The following SOX4 variants were observed in gnomAD, a reference collection of about 807,000 sequenced individuals.
The protein encoded by SOX4 is SRY-box transcription factor 4.
For synonymous variants in SOX4, 465 were observed against 348.4 expected (o/e 1.33, Z -3.73); for missense variants, 662 against 694.9 (o/e 0.95, Z 0.53).
chr6:21,594,975 C>G lies in SOX4; in HGVS notation c.441C>G (p.Ala147=). The change falls in exon 1 of 1, where the codon GCC becomes GCG. Residue 147 remains alanine (A), a synonymous_variant. Transcript: ENST00000244745. ...GNANSSSSAA[A]SSKPGEKGDK... ...CCAACTCCAGCTCCTCGGCCGCCGC[C>G]TCCTCCAAGCCGGGGGAGAAGGGAG... 3 of 1,598,026 alleles carry G rather than the reference C, an allele frequency of 1.9e-6. No homozygotes were observed. The highest frequency in any genetic ancestry group is 2.6e-6 in the Non-Finnish European group (3 of 1,172,194).
rs1763112466 is a variant in SOX4 at position 21,595,241 on chromosome 6, C to T, written c.707C>T (p.Ser236Phe). The change falls in exon 1 of 1, where the codon TCC (serine) becomes TTC (phenylalanine). Residue 236 changes from serine (S) to phenylalanine (F), a missense_variant. Ser to Phe is a radical substitution (Grantham distance 155). Coordinates refer to ENST00000244745, the MANE Select transcript of SOX4 (RefSeq NM_003107.3). ...AAAGCAGCGGCTGCCGCCGCCGCCT[C>T]CTTCGCCGCCGAACAGGCGGGGGCC... ...GGKAAAAAAA[S>F]FAAEQAGAAA... 11 of 1,248,530 alleles carry T rather than the reference C, an allele frequency of 8.8e-6. No homozygotes were observed. Among genetic ancestry groups the T allele is most frequent in the Non-Finnish European group, 1.0e-5 (10 of 1,001,508 alleles). 77.3% of individuals were successfully genotyped at this position (1,248,530 alleles called of 1,614,324 possible). A position where few individuals can be genotyped will look rare whatever the true frequency, so the allele number is the denominator to read the frequency against.
chr6:21,595,722 C>T lies in SOX4; in HGVS notation c.1188C>T (p.Ser396=), dbSNP rs775591442. Residue 396 remains serine (S), a synonymous_variant, in exon 1 of 1, where the codon TCC becomes TCT. Transcript: ENST00000244745. ...SSSSSSSGSS[S]SDDEFEDDLL... is the part of the protein sequence containing the mutation. The stretch of plus-strand genomic sequence containing the variant: ...CTTCCTCCTCCTCGGGCTCCTCGTC[C>T]TCCGACGACGAGTTCGAAGACGACC... 4 of 1,610,390 alleles carry T rather than the reference C, an allele frequency of 2.5e-6. No individual in the cohort carries two copies. The highest frequency in any genetic ancestry group is 1.7e-5 in the Admixed American group (1 of 59,714).
Position 21,594,884 on chromosome 6 carries a change from T to A in SOX4, c.350T>A (p.Leu117His). 1 of 1,612,948 alleles carries A rather than the reference T, an allele frequency of 6.2e-7. No homozygotes were observed. Among genetic ancestry groups the A allele is most frequent in the Non-Finnish European group, 8.5e-7 (1 of 1,179,722 alleles). ...PFIREAERLRLKHMADYPDYK... is the reference protein window; with the variant it reads ...PFIREAERLRHKHMADYPDYK... ...ATTCGAGAGGCGGAGCGGCTGCGCCTCAAGCACATGGCTGACTACCCCGAC... is the reference window on the plus strand; with the variant it reads ...ATTCGAGAGGCGGAGCGGCTGCGCCACAAGCACATGGCTGACTACCCCGAC... The change falls in exon 1 of 1, where the codon CTC becomes CAC. Residue 117 changes from leucine to histidine, a missense_variant. Physicochemically the swap from Leu to His is moderately conservative, Grantham distance 99. Coordinates refer to ENST00000244745, the MANE Select transcript of SOX4 (RefSeq NM_003107.3).
At position 21,594,556 on chromosome 6, in the gene SOX4, G is replaced by A. The variant is rs751155053; in HGVS notation, c.22G>A (p.Ala8Thr). MVQQTNN[A>T]ENTEALLAGE... ...GGCCATGGTGCAGCAAACCAACAATGCCGAGAACACGGAAGCGCTGCTGGC... is the reference window on the plus strand; with the variant it reads ...GGCCATGGTGCAGCAAACCAACAATACCGAGAACACGGAAGCGCTGCTGGC... Residue 8 changes from alanine to threonine, a missense_variant, in exon 1 of 1, where the codon GCC (alanine) becomes ACC (threonine). By Grantham distance (58) the Ala-to-Thr change is moderately conservative (BLOSUM62 0). Coordinates refer to ENST00000244745, the MANE Select transcript of SOX4 (RefSeq NM_003107.3). The A allele has an allele frequency of 1.2e-6, 2 of 1,604,996 alleles. No individual in the cohort carries two copies. The highest frequency in any genetic ancestry group is 1.7e-6 in the Non-Finnish European group (2 of 1,177,772).
rs1763191813 is a variant in SOX4 at position 21,597,449 on chromosome 6, C to T, written c.*1490C>T. ...GCCAAACATATTTTTTCTTTTGTCCCTTTTTTTCTTTCCTTTCTTTTTACT... is the reference window on the plus strand; with the variant it reads ...GCCAAACATATTTTTTCTTTTGTCCTTTTTTTTCTTTCCTTTCTTTTTACT... On this transcript the variant is annotated 3_prime_UTR_variant, in exon 1 of 1. Transcript: ENST00000244745. 2 of 163,278 alleles carry T rather than the reference C, an allele frequency of 1.2e-5. No homozygotes were observed. The highest frequency in any genetic ancestry group is 3.0e-5 in the Non-Finnish European group (2 of 67,476). 10.1% of individuals were successfully genotyped at this position (163,278 alleles called of 1,614,324 possible).
At position 21,594,634 on chromosome 6, in the gene SOX4, C is replaced by G; in HGVS notation, c.100C>G (p.Pro34Ala). 6.2e-7 allele frequency: 1 copy of G among 1,605,236 alleles called. No individual in the cohort carries two copies. Among genetic ancestry groups the G allele is most frequent in the East Asian group, 2.3e-5 (1 of 44,410 alleles). Residue 34 changes from proline (P) to alanine (A), a missense_variant, in exon 1 of 1, where the codon CCC becomes GCC. Transcript: ENST00000244745. ...AGLELGIASS[P>A]TPGSTASTGG... Reference sequence around the variant, plus strand: ...CCTCGAGCTGGGAATCGCCTCCTCCCCCACGCCCGGCTCCACCGCCTCCAC... The same window carrying G: ...CCTCGAGCTGGGAATCGCCTCCTCCGCCACGCCCGGCTCCACCGCCTCCAC...
Position 21,595,866 on chromosome 6 carries a change from C to T in SOX4, c.1332C>T (p.Phe444=). 1.2e-6 allele frequency: 2 copies of T among 1,610,536 alleles called. No homozygotes were observed. Among genetic ancestry groups the T allele is most frequent in the Middle Eastern group, 1.7e-4 (1 of 6,060 alleles). Residue 444 remains phenylalanine (F), a synonymous_variant, in exon 1 of 1, where the codon TTC becomes TTT. Transcript: ENST00000244745. ...TCGAGCCCGGCTCCGGCTCGCACTT[C>T]GAGTTCCCGGACTACTGCACGCCCG... is the stretch of plus-strand genomic sequence containing the variant. ...FNFEPGSGSH[F]EFPDYCTPEV...
In SOX4 at chr6:21,595,197, AGGCGGC is replaced by A. The variant is rs552547778; in HGVS notation, c.675_680del (p.Gly226_Gly227del). 22 of 1,195,994 alleles carry A rather than the reference AGGCGGC, an allele frequency of 1.8e-5. No homozygotes were observed. Among genetic ancestry groups the A allele is most frequent in the Admixed American group, 4.6e-5 (1 of 21,742 alleles). 74.1% of individuals were successfully genotyped at this position (1,195,994 alleles called of 1,614,324 possible). A position where few individuals can be genotyped will look rare whatever the true frequency, so the allele number is the denominator to read the frequency against. On this transcript the variant is annotated inframe_deletion, in exon 1 of 1. Coordinates refer to ENST00000244745, the MANE Select transcript of SOX4 (RefSeq NM_003107.3). The stretch of plus-strand genomic sequence containing the variant: ...AACCGCACGCCAAGCTCATCCTGGC[AGGCGGC>A]GGCGGCGGCGGGAAAGCAGCGGCTG...
At position 21,593,757 on chromosome 6, in the gene SOX4, A is replaced by C. The variant is rs1393025888; in HGVS notation, c.-778A>C. ...CGAGGCGGAATTGGGGTCTGCTCTA[A>C]GCTGCAGCAAGAGAAACTGTGTGTG... is the stretch of plus-strand genomic sequence containing the variant. On this transcript the variant is annotated 5_prime_UTR_variant, in exon 1 of 1. Coordinates refer to ENST00000244745, the MANE Select transcript of SOX4 (RefSeq NM_003107.3). The C allele has an allele frequency of 6.6e-6, 1 of 152,284 alleles. No homozygotes were observed. The highest frequency in any genetic ancestry group is 1.5e-5 in the Non-Finnish European group (1 of 68,114). The allele number at this position is 152,284 out of a possible 1,614,324, so 9.4% of individuals were successfully genotyped here.
rs1455110169 is a variant in SOX4 at position 21,594,831 on chromosome 6, G to C, written c.297G>C (p.Leu99=). Residue 99 remains leucine, a synonymous_variant, in exon 1 of 1, where the codon CTG becomes CTC. Coordinates refer to ENST00000244745, the MANE Select transcript of SOX4 (RefSeq NM_003107.3). The part of the protein sequence containing the change: ...ISKRLGKRWK[L]LKDSDKIPFI... ...AGCGGCTGGGCAAACGCTGGAAGCT[G>C]CTCAAAGACAGCGACAAGATCCCTT... 1 of 1,610,548 alleles carries C rather than the reference G, an allele frequency of 6.2e-7. No homozygotes were observed. The highest frequency in any genetic ancestry group is 1.3e-5 in the African/African-American group (1 of 74,910).
Position 21,598,525 on chromosome 6 carries a change from T to C in SOX4, c.*2566T>C, listed in dbSNP as rs1271699979. On this transcript the variant is annotated 3_prime_UTR_variant, in exon 1 of 1. Coordinates refer to ENST00000244745, the MANE Select transcript of SOX4 (RefSeq NM_003107.3). Reference sequence around the variant, plus strand: ...AAGAAAAAATCATGCCAGCTAATCATGTCAAGTTCACTGCCTGTCAGATTG... The same window carrying C: ...AAGAAAAAATCATGCCAGCTAATCACGTCAAGTTCACTGCCTGTCAGATTG... The C allele has an allele frequency of 6.0e-6, 1 of 167,022 alleles. No homozygotes were observed. Among genetic ancestry groups the C allele is most frequent in the Admixed American group, 6.5e-5 (1 of 15,290 alleles). The allele number at this position is 167,022 out of a possible 1,614,324, so 10.3% of individuals were successfully genotyped here. A position where few individuals can be genotyped will look rare whatever the true frequency, so the allele number is the denominator to read the frequency against.
In SOX4 at chr6:21,596,054, G is replaced by GA. The variant is rs1469438770; in HGVS notation, c.*96dup. 41 of 1,388,522 alleles carry GA rather than the reference G, an allele frequency of 3.0e-5. No individual in the cohort carries two copies. Among genetic ancestry groups the GA allele is most frequent in the Non-Finnish European group, 3.7e-5 (40 of 1,069,278 alleles). 86.0% of individuals were successfully genotyped at this position (1,388,522 alleles called of 1,614,324 possible). On this transcript the variant is annotated 3_prime_UTR_variant, in exon 1 of 1. Coordinates refer to ENST00000244745, the MANE Select transcript of SOX4 (RefSeq NM_003107.3). ...GAAAAGGACAGACGAAGAGTTTAAA[G>GA]AGAAAAGGGAAAAAAGAAAGAAAAA...
chr6:21,595,260 G>C lies in SOX4; in HGVS notation c.726G>C (p.Ala242=). Residue 242 remains alanine, a synonymous_variant, in exon 1 of 1, where the codon GCG becomes GCC. Coordinates refer to ENST00000244745, the MANE Select transcript of SOX4 (RefSeq NM_003107.3). ...CCGCCTCCTTCGCCGCCGAACAGGCGGGGGCCGCCGCCCTGCTGCCCCTGG... is the reference window on the plus strand; with the variant it reads ...CCGCCTCCTTCGCCGCCGAACAGGCCGGGGCCGCCGCCCTGCTGCCCCTGG... ...AAAASFAAEQ[A]GAAALLPLGA... is the part of the protein sequence containing the mutation. The C allele has an allele frequency of 7.6e-7, 1 of 1,315,738 alleles. No homozygotes were observed. The highest frequency in any genetic ancestry group is 2.1e-5 in the South Asian group (1 of 47,708). The allele number at this position is 1,315,738 out of a possible 1,614,324, so 81.5% of individuals were successfully genotyped here. A position where few individuals can be genotyped will look rare whatever the true frequency, so the allele number is the denominator to read the frequency against.
Position 21,595,002 on chromosome 6 carries a change from C to A in SOX4, c.468C>A (p.Asp156Glu). The change falls in exon 1 of 1, where the codon GAC becomes GAA. Residue 156 changes from aspartate to glutamate, a missense_variant. By Grantham distance (45) the Asp-to-Glu change is conservative (BLOSUM62 2). Coordinates refer to ENST00000244745, the MANE Select transcript of SOX4 (RefSeq NM_003107.3). ...AASSKPGEKG[D>E]KVGGSGGGGH... ...CCTCCAAGCCGGGGGAGAAGGGAGA[C>A]AAGGTCGGTGGCAGTGGCGGGGGCG... The A allele has an allele frequency of 1.3e-6, 2 of 1,558,606 alleles. No individual in the cohort carries two copies. The highest frequency in any genetic ancestry group is 1.2e-5 in the South Asian group (1 of 82,742).
Position 21,595,206 on chromosome 6 carries a change from C to T in SOX4, c.672C>T (p.Gly224=). ...CCAAGCTCATCCTGGCAGGCGGCGG[C>T]GGCGGCGGGAAAGCAGCGGCTGCCG... ...PHAKLILAGG[G]GGGKAAAAAA... is the part of the protein sequence containing the mutation. The change falls in exon 1 of 1, where the codon GGC becomes GGT. Residue 224 remains glycine, a synonymous_variant. Transcript: ENST00000244745. 1 of 1,204,442 alleles carries T rather than the reference C, an allele frequency of 8.3e-7. No individual in the cohort carries two copies. Among genetic ancestry groups the T allele is most frequent in the Non-Finnish European group, 1.0e-6 (1 of 974,294 alleles). The allele number at this position is 1,204,442 out of a possible 1,614,324, so 74.6% of individuals were successfully genotyped here.
Position 21,597,482 on chromosome 6 carries a change from TTTC to T in SOX4, c.*1526_*1528del, listed in dbSNP as rs925113372. ...CTTTCCTTTCTTTTTACTTCCTTTA[TTTC>T]TTTATTCCTTCCTTTTCCTTTTTTT... is the stretch of plus-strand genomic sequence containing the variant. On this transcript the variant is annotated 3_prime_UTR_variant, in exon 1 of 1. Transcript: ENST00000244745. The T allele has an allele frequency of 6.1e-6, 1 of 163,066 alleles. No individual in the cohort carries two copies. Among genetic ancestry groups the T allele is most frequent in the Non-Finnish European group, 1.5e-5 (1 of 67,884 alleles). The allele number at this position is 163,066 out of a possible 1,614,324, so 10.1% of individuals were successfully genotyped here.
rs1376774037 is a variant in SOX4 at position 21,595,017 on chromosome 6, T to TGGCGGGGGCGGCCATGGG, written c.489_506dup (p.His166_Gly171dup). The TGGCGGGGGCGGCCATGGG allele has an allele frequency of 1.3e-6, 2 of 1,496,074 alleles. No individual in the cohort carries two copies. The highest frequency in any genetic ancestry group is 1.5e-5 in the African/African-American group (1 of 68,952). The allele number at this position is 1,496,074 out of a possible 1,614,324, so 92.7% of individuals were successfully genotyped here. On this transcript the variant is annotated inframe_insertion, in exon 1 of 1. Coordinates refer to ENST00000244745, the MANE Select transcript of SOX4 (RefSeq NM_003107.3). ...AGAAGGGAGACAAGGTCGGTGGCAG[T>TGGCGGGGGCGGCCATGGG]GGCGGGGGCGGCCATGGGGGCGGCG...
chr6:21,594,921 G>C lies in SOX4; in HGVS notation c.387G>C (p.Arg129=). The C allele has an allele frequency of 6.2e-7, 1 of 1,612,658 alleles. No homozygotes were observed. The change falls in exon 1 of 1, where the codon CGG becomes CGC. Residue 129 remains arginine, a synonymous_variant. Coordinates refer to ENST00000244745, the MANE Select transcript of SOX4 (RefSeq NM_003107.3). ...HMADYPDYKY[R]PRKKVKSGNA... ...CTGACTACCCCGACTACAAGTACCG[G>C]CCCAGGAAGAAGGTGAAGTCCGGCA...
In SOX4 at chr6:21,596,679, C is replaced by A. The variant is rs1763170622; in HGVS notation, c.*720C>A. ...GGAGGAGATGTTGAGGGGAGGAGGC[C>A]AGCCAGTGTGACCGGCGCTAGGAAA... is the stretch of plus-strand genomic sequence containing the variant. On this transcript the variant is annotated 3_prime_UTR_variant, in exon 1 of 1. Transcript: ENST00000244745. 1.2e-5 allele frequency: 2 copies of A among 167,186 alleles called. No homozygotes were observed. The highest frequency in any genetic ancestry group is 2.1e-4 in the South Asian group (1 of 4,824). 10.4% of individuals were successfully genotyped at this position (167,186 alleles called of 1,614,324 possible).
Sources: gnomAD v4.1 joint callset for allele counts on GRCh38, gnomAD v4.1.1 for gene constraint, MANE v1.5 for transcripts, NCBI Gene and HGNC (gene_info 2026-07-23, HGNC 2026-07-21) for gene names.